The following CNTN5 variants were observed in gnomAD, a reference collection of about 807,000 sequenced individuals.
CNTN5 encodes the protein contactin 5, also known as contactin-5.
A neutral mutation model predicts 129.1 loss-of-function variants in CNTN5; 77 were observed. The ratio of observed to expected loss-of-function variants is 0.60; its 90% CI spans 0.50 to 0.72. CNTN5 has a LOEUF of 0.72. Ranked by LOEUF, CNTN5 falls within the 30% of genes least tolerant of loss-of-function variation. CNTN5 has a pLI of 0.00. For missense variants in CNTN5, 1,478 were observed against 1,328.8 expected (o/e 1.11, Z -1.75); for synonymous variants, 509 against 465.6 (o/e 1.09, Z -1.20).
intron 13 of CNTN5, among the ~76,000 whole-genome samples, chr11:100,109,291 T>G (rs888971990): frequency 1.3e-5 from 2 of 152,118 alleles, no homozygotes; most frequent in African/African-American, 4.8e-5. Flanking sequence ...CCAGGCGTGT[T>G]GACAGGCGCT....
chr11:99,631,534 G>A (rs669212), intron 3 of CNTN5, among the ~76,000 whole-genome samples: 91,739 of 151,830 alleles, frequency 0.6, 28,531 homozygotes, highest in Admixed American at 0.69. Context: ...AAAGTTTATT[G>A]TATTCTATTT....
At chr11:99,943,924 T>G (rs899212772) in intron 7 of CNTN5, among the ~76,000 whole-genome samples, 1 of 152,168 alleles carries the variant, frequency 6.6e-6, no homozygotes, top group Non-Finnish European at 1.5e-5. Context: ...CCATACTGTT[T>G]TGGTTACTGT....
chr11:99,516,086 G>A (rs2466912), intron 2 of CNTN5, among the ~76,000 whole-genome samples: 33,360 of 151,590 alleles, frequency 0.22, 4,341 homozygotes, highest in Middle Eastern at 0.33. Flanking sequence ...TCAATTGCTC[G>A]GCTATATGCA....
chr11:99,340,379 G>A (rs1866454661), intron 2 of CNTN5, among the ~76,000 whole-genome samples: 2 of 152,042 alleles, frequency 1.3e-5, no homozygotes. Context: ...AAAGAAGACA[G>A]GAAAAGTAAG....
Position 100,271,031 on chromosome 11 carries a change from T to C in CNTN5, c.2165-61T>C, listed in dbSNP as rs7927466. 7.9e-3 allele frequency: 10,554 copies of C among 1,334,752 alleles called. 347 individuals are homozygous for C. The African/African-American group carries it at 0.087, about 11-fold the overall frequency. 82.7% of individuals were successfully genotyped at this position (1,334,752 alleles called of 1,614,324 possible). A position where few individuals can be genotyped will look rare whatever the true frequency, so the allele number is the denominator to read the frequency against. On this transcript the variant is annotated intron_variant, in intron 17 of 24. Coordinates refer to ENST00000524871, the MANE Select transcript of CNTN5 (RefSeq NM_014361.4). ...CTGTCAGTAGCATTAATATTCTTGA[T>C]TGCCATTTGTAGCATTTTTCTAGTC...
intron 9 of CNTN5, among the ~76,000 whole-genome samples, chr11:100,038,376 C>G (rs1424016592): frequency 6.6e-6 from 1 of 152,054 alleles, no homozygotes; most frequent in Non-Finnish European, 1.5e-5. Flanking sequence ...CTGAGGAGTG[C>G]TTTACTTCCA....
intron 16 of CNTN5, among the ~76,000 whole-genome samples, chr11:100,236,971 C>T (rs1949628156): frequency 6.6e-6 from 1 of 151,996 alleles, no homozygotes; most frequent in Admixed American, 6.6e-5. Flanking sequence ...GGGTGGATCA[C>T]GAGGTCAGAA....
chr11:99,033,274 C>A (rs998803130), intron 1 of CNTN5, among the ~76,000 whole-genome samples: 2 of 151,836 alleles, frequency 1.3e-5, no homozygotes, highest in African/African-American at 2.4e-5. Flanking sequence ...TCCATATGAA[C>A]TTTAAAGTAG....
chr11:99,796,490 A>G (rs1945945517), intron 3 of CNTN5, among the ~76,000 whole-genome samples: 1 of 152,008 alleles, frequency 6.6e-6, no homozygotes, highest in Admixed American at 6.5e-5. Context: ...CACTTCACAA[A>G]TGGCTGCTCT....
chr11:99,987,524 A>AATATAT lies in CNTN5; in HGVS notation c.878-14496_878-14491dup, dbSNP rs10674388. The stretch of plus-strand genomic sequence containing the variant: ...TATATACTTGCATTATGTATTTATG[A>AATATAT]ATATATATATATATATATACACATA... On this transcript the variant is annotated intron_variant, in intron 8 of 24. Coordinates refer to ENST00000524871, the MANE Select transcript of CNTN5 (RefSeq NM_014361.4). Among the ~76,000 whole-genome samples the AATATAT allele has an allele frequency of 8.9e-3, 1,263 of 141,326 alleles. 4 individuals are homozygous for AATATAT. The highest frequency in any genetic ancestry group is 0.022 in the South Asian group (99 of 4,508). The allele number at this position is 141,326 out of a possible 152,430, so 92.7% of individuals were successfully genotyped here.
intron 1 of CNTN5, among the ~76,000 whole-genome samples, chr11:99,209,527 G>A (rs1397593122): frequency 6.6e-6 from 1 of 152,048 alleles, no homozygotes; most frequent in Non-Finnish European, 1.5e-5. Context: ...ATGACACTAA[G>A]TCATTCATGA....
intron 6 of CNTN5, among the ~76,000 whole-genome samples, chr11:99,863,070 C>T (rs1414453763): frequency 1.3e-5 from 2 of 152,068 alleles, no homozygotes. Flanking sequence ...AACATTAGCT[C>T]AAGCAAAAAC....
At chr11:100,298,565 G>T (rs1020334819) in intron 19 of CNTN5, among the ~76,000 whole-genome samples, 1 of 151,140 alleles carries the variant, frequency 6.6e-6, no homozygotes, top group Admixed American at 6.6e-5. Context: ...GACAGTGGCT[G>T]GTAACTTTTC....
chr11:99,664,931 C>G (rs1186785875), intron 3 of CNTN5, among the ~76,000 whole-genome samples: 1 of 152,142 alleles, frequency 6.6e-6, no homozygotes, highest in Non-Finnish European at 1.5e-5. Flanking sequence ...GTGTCTAACA[C>G]AGAATCTTTT....
At chr11:99,221,524 C>G (rs1385057594) in intron 1 of CNTN5, among the ~76,000 whole-genome samples, 2 of 151,796 alleles carry the variant, frequency 1.3e-5, no homozygotes, top group Middle Eastern at 3.2e-3. Context: ...TGAATTCATA[C>G]AAGAACAGAT....
At chr11:99,100,070 T>G (rs1234600904) in intron 1 of CNTN5, among the ~76,000 whole-genome samples, 3 of 152,138 alleles carry the variant, frequency 2.0e-5, no homozygotes, top group African/African-American at 7.2e-5. Flanking sequence ...TTAAAATCAT[T>G]AAACATTTGG....
intron 3 of CNTN5, among the ~76,000 whole-genome samples, chr11:99,751,389 A>T (rs1479354746): frequency 6.6e-6 from 1 of 152,186 alleles, no homozygotes; most frequent in Non-Finnish European, 1.5e-5. Flanking sequence ...ACATGGGACA[A>T]GATTACAGTT....
At chr11:99,464,821 A>T (rs1702606471) in intron 2 of CNTN5, among the ~76,000 whole-genome samples, 1 of 152,208 alleles carries the variant, frequency 6.6e-6, no homozygotes, top group South Asian at 2.1e-4. Context: ...ACATAAAAAT[A>T]GTTTAATCAA....
At chr11:99,320,921 G>A (rs7118597) in intron 1 of CNTN5, among the ~76,000 whole-genome samples, 7,616 of 152,160 alleles carry the variant, frequency 0.05, 620 homozygotes, top group African/African-American at 0.17. Flanking sequence ...GTGAGAGTGG[G>A]CCCCATCCAA....
Sources: gnomAD v4.1 joint callset for allele counts (sites outside exome capture counted in the v4.1 genomes callset) on GRCh38, gnomAD v4.1.1 for gene constraint, MANE v1.5 for transcripts, NCBI Gene and HGNC (gene_info 2026-07-23, HGNC 2026-07-21) for gene names.